The following MYH16 variants were observed in gnomAD, a reference collection of about 807,000 sequenced individuals.
MYH16 encodes putative uncharacterized protein MYH16.
intron 17 of MYH16, chr7:99,265,752 T>C: frequency 6.5e-6 from 1 of 152,860 alleles, no homozygotes; most frequent in Non-Finnish European, 1.5e-5. Context: ...ATAAGTCACA[T>C]CCCACTGCAG....
chr7:99,242,493 C>T (rs181156198), intron 1 of MYH16, among the ~76,000 whole-genome samples: 131 of 152,044 alleles, frequency 8.6e-4, no homozygotes, highest in Non-Finnish European at 1.4e-3. Context: ...TAAAAATTAG[C>T]CAGGCATGGT....
chr7:99,271,433 C>T lies in MYH16; in HGVS notation n.2403+340C>T, dbSNP rs879634326. ...TTGAGGCAGGAGAATCGCTTGAATC[C>T]GGGAGGCGGAGGTTGCAGTGAGCTG... is the stretch of plus-strand genomic sequence containing the variant. On this transcript the variant is annotated intron_variant and non_coding_transcript_variant, in intron 19 of 41. Coordinates refer to ENST00000439784, the Ensembl canonical transcript of MYH16. 5.3e-5 allele frequency among the ~76,000 whole-genome samples: 8 copies of T among 152,088 alleles called. No individual in the cohort carries two copies. The East Asian group carries it at 5.8e-4, about 11-fold the overall frequency.
intron 40 of MYH16, among the ~76,000 whole-genome samples, chr7:99,305,180 C>T (rs1562788758): frequency 6.6e-6 from 1 of 151,234 alleles, no homozygotes; most frequent in Non-Finnish European, 1.5e-5. Flanking sequence ...CAGAGCCAGA[C>T]CCTGTCTCAG....
intron 3 of MYH16, among the ~76,000 whole-genome samples, chr7:99,248,704 A>T (rs1439922660): frequency 1.3e-5 from 2 of 151,976 alleles, no homozygotes; most frequent in Admixed American, 6.6e-5. Flanking sequence ...TTTTGTCCTC[A>T]TTTCTCTTTA....
chr7:99,308,065 T>C (rs913352658), downstream of MYH16, among the ~76,000 whole-genome samples: 1 of 152,018 alleles, frequency 6.6e-6, no homozygotes, highest in African/African-American at 2.4e-5. Flanking sequence ...GGGGCTTTAA[T>C]GTGTGTCCAC....
chr7:99,262,905 G>A (rs1211611439), intron 13 of MYH16, among the ~76,000 whole-genome samples: 2 of 152,170 alleles, frequency 1.3e-5, no homozygotes, highest in Non-Finnish European at 2.9e-5. Context: ...ATTTCTTCAC[G>A]TAGCTCGGGA....
chr7:99,258,056 G>C (rs755792522), intron 10 of MYH16: 1 of 152,520 alleles, frequency 6.6e-6, no homozygotes, highest in Non-Finnish European at 1.5e-5. Flanking sequence ...AATAGATGTT[G>C]CCAGGTTTCT....
chr7:99,291,484 A>G lies in MYH16; in HGVS notation n.3952+34A>G, dbSNP rs1397685945. 48 of 454,574 alleles carry G rather than the reference A, an allele frequency of 1.1e-4. 1 individual carries two copies. The Admixed American group carries it at 1.1e-3, about 11-fold the overall frequency. 28.2% of individuals were successfully genotyped at this position (454,574 alleles called of 1,614,324 possible). ...GGACGTGGGGTTGCGGTGGAGACAG[A>G]GCTGCCGCCTTAAAGTTATAGGTTA... On this transcript the variant is annotated intron_variant and non_coding_transcript_variant, in intron 31 of 41. Transcript: ENST00000439784.
At chr7:99,310,012 C>T (rs545318326), downstream of MYH16, among the ~76,000 whole-genome samples, 5 of 150,014 alleles carry the variant, frequency 3.3e-5, no homozygotes, top group South Asian at 2.1e-4. Context: ...AGTGAGAGTC[C>T]GTCTCCAGAA....
At chr7:99,249,572 GTTTTTTTTTTT>G (rs1195632373) in intron 4 of MYH16, among the ~76,000 whole-genome samples, 1 of 116,768 alleles carries the variant, frequency 8.6e-6, no homozygotes, top group Non-Finnish European at 1.7e-5. Context: ...GAAAAGTGCT[GTTTTTTTTTTT>G]TTTTTTTTTT....
chr7:99,288,262 C>T (rs890666871), intron 29 of MYH16, 125 bp downstream of exon 10: 1 of 386,536 alleles, frequency 2.6e-6, no homozygotes, highest in Admixed American at 2.9e-5. Flanking sequence ...GACAACATAG[C>T]CAGACCTCGT....
At chr7:99,263,593 G>T (rs111643567) in intron 14 of MYH16, 4,003 of 152,308 alleles carry the variant, frequency 0.026, 146 homozygotes, top group African/African-American at 0.073. Context: ...GTGAACCGAT[G>T]GATGAATGAA....
intron 1 of MYH16, among the ~76,000 whole-genome samples, chr7:99,239,629 G>A (rs560142666): frequency 1.1e-4 from 17 of 152,272 alleles, no homozygotes; most frequent in African/African-American, 3.9e-4. Flanking sequence ...CTGGCTTATC[G>A]TGGATTGCAG....
rs114621566 is a variant in MYH16, at chr7:99,284,990, C to T, written n.3316+55C>T. On this transcript the variant is annotated intron_variant and non_coding_transcript_variant, in intron 26 of 41. Transcript: ENST00000439784. ...TCTGTCAGAAATGCACTTCTCTGAA[C>T]GTTTTGTTCATGTCAGCTACTTGGT... 2,072 of 454,398 alleles carry T rather than the reference C, an allele frequency of 4.6e-3. 37 individuals carry two copies. Among genetic ancestry groups the T allele is most frequent in the African/African-American group, 0.036 (1,800 of 50,130 alleles). The allele number at this position is 454,398 out of a possible 1,614,324, so 28.1% of individuals were successfully genotyped here.
chr7:99,280,451 C>T (rs1792186963), intron 22 of MYH16, among the ~76,000 whole-genome samples: 1 of 152,236 alleles, frequency 6.6e-6, no homozygotes, highest in Admixed American at 6.5e-5. Flanking sequence ...TGGGGGAAGC[C>T]CTGGCTCCTG....
intron 19 of MYH16, among the ~76,000 whole-genome samples, chr7:99,272,909 T>A (rs967380403): frequency 3.3e-5 from 5 of 152,202 alleles, no homozygotes; most frequent in Non-Finnish European, 7.3e-5. Flanking sequence ...GATCTTGGCC[T>A]GATTCAGCCC....
At chr7:99,244,470 T>C (rs2150804965) in intron 2 of MYH16, among the ~76,000 whole-genome samples, 1 of 152,342 alleles carries the variant, frequency 6.6e-6, no homozygotes, top group East Asian at 1.9e-4. Context: ...TCTAGATGTC[T>C]TTATTTAAAA....
intron 23 of MYH16, 45 bp downstream of exon 5, chr7:99,281,025 G>T: frequency 3.1e-6 from 1 of 321,938 alleles, no homozygotes; most frequent in Non-Finnish European, 6.2e-6. Flanking sequence ...GCTAGAGCTT[G>T]GCACAATGTG....
At position 99,240,115 on chromosome 7, in the gene MYH16, T is replaced by C. The variant is rs577569936; in HGVS notation, n.210+1077T>C. Among the ~76,000 whole-genome samples, 43 of 151,982 alleles carry C rather than the reference T, an allele frequency of 2.8e-4. No homozygotes were observed. The South Asian group carries it at 8.7e-3, about 31-fold the overall frequency. On this transcript the variant is annotated intron_variant and non_coding_transcript_variant, in intron 1 of 41. Coordinates refer to ENST00000439784, the Ensembl canonical transcript of MYH16. ...GTCTCTTGTATTCTTGGCAGACCCC[T>C]GGTGAGGCACTTGACACTTTGTTTA...
Sources: allele counts gnomAD v4.1 joint callset (sites outside exome capture counted in the v4.1 genomes callset), GRCh38; gene constraint gnomAD v4.1.1; transcripts MANE v1.5; gene names NCBI Gene and HGNC (gene_info 2026-07-23, HGNC 2026-07-21).